Variants in ZNF160 observed in about 807,000 individuals in gnomAD.
ZNF160 encodes the protein zinc finger protein 160.
Under a neutral mutation model 13.1 loss-of-function variants are expected in ZNF160, and 9 were observed. The observed-to-expected ratio is 0.69, with a 90% CI of 0.41 to 1.20. ZNF160 has a LOEUF of 1.20. Ranked by LOEUF, ZNF160 falls within the 50% of genes most tolerant of loss-of-function variation. The pLI is 0.01. For synonymous variants in ZNF160, 293 were observed against 333.2 expected, an observed-to-expected ratio of 0.88 and a Z score of 1.31; for missense variants, 838 against 988.0, an observed-to-expected ratio of 0.85 and a Z score of 2.04.
intron 3 of ZNF160, chr19:53,085,726 C>T: frequency 3.2e-6 from 1 of 311,394 alleles, no homozygotes; most frequent in Non-Finnish European, 5.9e-6. Flanking sequence ...ATGAAAGAAT[C>T]ATCTATCTCC....
chr19:53,092,147 A>C (rs986735385), intron 1 of ZNF160, among the ~76,000 whole-genome samples: 2 of 152,208 alleles, frequency 1.3e-5, no homozygotes, highest in African/African-American at 2.4e-5. Context: ...CGGAAGAGAA[A>C]CCAAAGAACA....
chr19:53,076,507 C>A (rs1307348150), intron 3 of ZNF160, among the ~76,000 whole-genome samples: 2 of 152,142 alleles, frequency 1.3e-5, no homozygotes, highest in African/African-American at 4.8e-5. Context: ...GGCGTGGTGG[C>A]AGGCGCCTGT....
At chr19:53,097,179 G>C (rs1208058818) in intron 1 of ZNF160, among the ~76,000 whole-genome samples, 1 of 118,544 alleles carries the variant, frequency 8.4e-6, no homozygotes, top group African/African-American at 3.5e-5. Context: ...CGGCCTGGCT[G>C]CAAGAATGTG....
intron 1 of ZNF160, among the ~76,000 whole-genome samples, chr19:53,103,020 A>T (rs981859497): frequency 2.0e-5 from 3 of 152,162 alleles, no homozygotes; most frequent in African/African-American, 7.2e-5. Context: ...GCTGCGCTCC[A>T]GGGGCCGACG....
Position 53,074,625 on chromosome 19 carries a change from A to G in ZNF160, c.143-357T>C, listed in dbSNP as rs564499460. Among the ~76,000 whole-genome samples, 216 of 148,532 alleles carry G rather than the reference A, an allele frequency of 1.5e-3. 1 individual carries two copies. The highest frequency in any genetic ancestry group is 4.8e-3 in the African/African-American group (194 of 40,448). On this transcript the variant is annotated intron_variant, in intron 4 of 5. Coordinates refer to ENST00000683776, the MANE Select transcript of ZNF160 (RefSeq NM_001322131.2). The stretch of plus-strand genomic sequence containing the variant: ...GCAGAGCTTGCAGGGAGCCTAGATC[A>G]CGCCACTGCACTCCAGCCCGGGCGA...
chr19:53,079,169 C>T (rs2084523832), intron 3 of ZNF160, among the ~76,000 whole-genome samples: 1 of 152,170 alleles, frequency 6.6e-6, no homozygotes, highest in South Asian at 2.1e-4. Context: ...ATACACCACA[C>T]TGACATGGTG....
At position 53,069,681 on chromosome 19, in the gene ZNF160, A is replaced by G; in HGVS notation, c.853T>C (p.Tyr285His). The part of the protein sequence containing the change: ...HRRIHSGEKP[Y>H]KCSECGKTFT... ...GTTTTGCCGCACTCACTGCATTTGT[A>G]AGGCTTCTCTCCACTATGAATTCTC... Residue 285 changes from tyrosine (Y) to histidine (H), a missense_variant, in exon 6 of 6, where the codon TAC (tyrosine) becomes CAC (histidine). By Grantham distance (83) the Tyr-to-His change is moderately conservative. Coordinates refer to ENST00000683776, the MANE Select transcript of ZNF160 (RefSeq NM_001322131.2). This position sits in a 1 kb window ranked among gnomAD's most constrained non-coding sequence, Gnocchi z 4.4. 3 of 1,614,156 alleles carry G rather than the reference A, an allele frequency of 1.9e-6. No homozygotes were observed. The highest frequency in any genetic ancestry group is 2.5e-6 in the Non-Finnish European group (3 of 1,179,996).
At chr19:53,102,335 C>T (rs1050808718) in intron 1 of ZNF160, among the ~76,000 whole-genome samples, 1 of 152,172 alleles carries the variant, frequency 6.6e-6, no homozygotes, top group African/African-American at 2.4e-5. Context: ...CCAGGCCTCC[C>T]TGTGTTGTGG....
chr19:53,100,980 CA>C (rs144340073), intron 1 of ZNF160, among the ~76,000 whole-genome samples: 1 of 149,210 alleles, frequency 6.7e-6, no homozygotes, highest in South Asian at 2.1e-4. Context: ...ACCTCCATCT[CA>C]AAAAAAATAA....
At chr19:53,094,878 G>C (rs886853590) in intron 1 of ZNF160, among the ~76,000 whole-genome samples, 1 of 152,074 alleles carries the variant, frequency 6.6e-6, no homozygotes, top group Non-Finnish European at 1.5e-5. Context: ...AATGACCTGG[G>C]GCCAAGAGGA....
At chr19:53,102,752 C>G (rs576566864) in intron 1 of ZNF160, among the ~76,000 whole-genome samples, 6 of 152,296 alleles carry the variant, frequency 3.9e-5, no homozygotes, top group African/African-American at 9.6e-5. Flanking sequence ...AGTAAGATGT[C>G]TGCATGTTGG....
chr19:53,068,288 G>A lies in ZNF160; in HGVS notation c.2246C>T (p.Ala749Val). The change falls in exon 6 of 6, where the codon GCA becomes GTA. Residue 749 changes from alanine (A) to valine (V), a missense_variant. This residue lies in a region of ZNF160 where 400 missense variants were observed against 538.9 expected (regional missense o/e 0.74). Transcript: ENST00000683776. ...CCCAGTATGAATTCTTCGGTGATTT[G>A]CCAGGTGAGCATTTTGAGTAAAGAC... ...GKVFTQNAHL[A>V]NHRRIHTGEK... 6.2e-7 allele frequency: 1 copy of A among 1,614,018 alleles called. No homozygotes were observed. The highest frequency in any genetic ancestry group is 8.5e-7 in the Non-Finnish European group (1 of 1,179,950).
At chr19:53,070,443 C>T (rs1036770309) in intron 5 of ZNF160, among the ~76,000 whole-genome samples, 181 bp from the exon 6 acceptor site, 1 of 151,630 alleles carries the variant, frequency 6.6e-6, no homozygotes, top group African/African-American at 2.4e-5. Context: ...CGGAGTCTCG[C>T]TCTGTCGCCC....
At chr19:53,099,958 TCTTC>T (rs1453330872) in intron 1 of ZNF160, among the ~76,000 whole-genome samples, 1 of 152,222 alleles carries the variant, frequency 6.6e-6, no homozygotes, top group Non-Finnish European at 1.5e-5. Flanking sequence ...AATTCCAGGA[TCTTC>T]TTTCACATAC....
At chr19:53,099,315 A>T (rs1221837398) in intron 1 of ZNF160, among the ~76,000 whole-genome samples, 4 of 152,160 alleles carry the variant, frequency 2.6e-5, no homozygotes, top group Admixed American at 1.3e-4. Flanking sequence ...GGAGGGACAA[A>T]GACTGAGACA....
chr19:53,098,451 C>T (rs564757574), intron 1 of ZNF160, among the ~76,000 whole-genome samples: 59 of 152,228 alleles, frequency 3.9e-4, no homozygotes, highest in African/African-American at 1.4e-3. Flanking sequence ...AGTCTAGATT[C>T]TAGAAGTTGG....
At chr19:53,077,151 G>A (rs1472001048) in intron 3 of ZNF160, 2 of 152,224 alleles carry the variant, frequency 1.3e-5, no homozygotes, top group African/African-American at 4.8e-5. Flanking sequence ...GCGAGGCTGC[G>A]GAACAGCCGG....
At position 53,068,178 on chromosome 19, in the gene ZNF160, C is replaced by G. The variant is rs866447975; in HGVS notation, c.2356G>C (p.Glu786Gln). The G allele has an allele frequency of 6.2e-7, 1 of 1,614,036 alleles. No individual in the cohort carries two copies. Among genetic ancestry groups the G allele is most frequent in the African/African-American group, 1.3e-5 (1 of 74,912 alleles). ...LTTHMAIHTG[E>Q]KRYKCNECGK... ...CACTCATTACATTTGTAACGCTTTT[C>G]TCCAGTGTGGATTGCCATATGGGTA... The change falls in exon 6 of 6, where the codon GAA becomes CAA. Residue 786 changes from glutamate (E) to glutamine (Q), a missense_variant. Around this residue, in one of 3 missense-constraint regions of ZNF160, gnomAD observed 51 missense variants for 46.9 expected, o/e 1.09. Coordinates refer to ENST00000683776, the MANE Select transcript of ZNF160 (RefSeq NM_001322131.2).
intron 1 of ZNF160, among the ~76,000 whole-genome samples, chr19:53,099,754 A>G (rs1391433493): frequency 6.6e-6 from 1 of 152,222 alleles, no homozygotes; most frequent in Non-Finnish European, 1.5e-5. Flanking sequence ...CCAAACATTA[A>G]GGGGATTAGT....
Sources: gnomAD v4.1 joint callset for allele counts (sites outside exome capture counted in the v4.1 genomes callset) on GRCh38, gnomAD v4.1.1 for gene constraint, gnomAD v4.1.1 regional missense constraint, Gnocchi (gnomAD v3.1) non-coding constraint, MANE v1.5 for transcripts, NCBI Gene and HGNC (gene_info 2026-07-23, HGNC 2026-07-21) for gene names.